SRGAP1: variants seen among roughly 807,000 people sequenced by gnomAD.
SRGAP1 encodes the protein SLIT-ROBO Rho GTPase activating protein 1.
A neutral mutation model predicts 121.9 loss-of-function variants in SRGAP1; 43 were observed. The observed-to-expected ratio is 0.35, with a 90% confidence interval of 0.28 to 0.46. The LOEUF (loss-of-function observed/expected upper bound fraction) is 0.46. Among genes scored for constraint, SRGAP1 ranks in the 20% least tolerant of loss-of-function variants. The pLI, the probability that SRGAP1 is intolerant of heterozygous loss-of-function variation, is 1.00. For synonymous variants in SRGAP1, 447 were observed against 485.4 expected, an observed-to-expected ratio of 0.92 and a Z score of 1.04; for missense variants, 1,102 against 1,350.9, an observed-to-expected ratio of 0.82 and a Z score of 2.89.
intron 21 of SRGAP1, among the ~76,000 whole-genome samples, chr12:64,136,833 A>T (rs1272496843): frequency 6.6e-6 from 1 of 152,222 alleles, no homozygotes; most frequent in Non-Finnish European, 1.5e-5. Flanking sequence ...GAAACTTATA[A>T]CATCACTGCT....
In SRGAP1 at chr12:64,115,827, A is replaced by G. The variant is rs2036510416; in HGVS notation, c.2158A>G (p.Ser720Gly). ...TGTATTCTACAGCGACAGCCCATAC[A>G]GTGAGCACGGTACATTGGAGGAAGT... Reference protein sequence around the residue: ...AGDDYCDSPYSEHGTLEEVDQ... With the variant: ...AGDDYCDSPYGEHGTLEEVDQ... The change falls in exon 18 of 22, where the codon AGT becomes GGT. Residue 720 changes from serine (S) to glycine (G), a missense_variant. By Grantham distance (56) the Ser-to-Gly change is moderately conservative. Transcript: ENST00000355086. 6.2e-7 allele frequency: 1 copy of G among 1,613,622 alleles called. No individual in the cohort carries two copies.
chr12:64,034,466 G>C (rs1461626130), intron 4 of SRGAP1, among the ~76,000 whole-genome samples: 1 of 152,068 alleles, frequency 6.6e-6, no homozygotes, highest in Non-Finnish European at 1.5e-5. Context: ...AAGCAGAGTA[G>C]TATATAAATG....
Position 64,036,170 on chromosome 12 carries a change from A to G in SRGAP1, c.490-6620A>G, listed in dbSNP as rs531093096. Among the ~76,000 whole-genome samples, 26 of 152,236 alleles carry G rather than the reference A, an allele frequency of 1.7e-4. 1 individual carries two copies. Among genetic ancestry groups the G allele is most frequent in the Admixed American group, 1.6e-3 (25 of 15,288 alleles). On this transcript the variant is annotated intron_variant, in intron 4 of 21. Coordinates refer to ENST00000355086, the MANE Select transcript of SRGAP1 (RefSeq NM_020762.4). ...GTGTCCTGAGTGCTCTTTTTGAGGG[A>G]ATTCCTGCCCACTACCACTGTCTCA...
rs1480327042 is a variant in SRGAP1 at position 64,078,855 on chromosome 12, C to T, written c.1126-64C>T. 5 of 1,523,008 alleles carry T rather than the reference C, an allele frequency of 3.3e-6. No homozygotes were observed. The Admixed American group carries it at 6.8e-5, about 21-fold the overall frequency. The allele number at this position is 1,523,008 out of a possible 1,614,324, so 94.3% of individuals were successfully genotyped here. ...CCTCATCTCTACCTGACAGAGTGGACTCTCCCTGTTTGTGGGATTCATGAA... is the reference window on the plus strand; with the variant it reads ...CCTCATCTCTACCTGACAGAGTGGATTCTCCCTGTTTGTGGGATTCATGAA... On this transcript the variant is annotated intron_variant, in intron 8 of 21. Transcript: ENST00000355086.
At chr12:64,091,189 G>A (rs937008789) in intron 11 of SRGAP1, 87 bp from the exon 12 acceptor site, 19 of 859,762 alleles carry the variant, frequency 2.2e-5, no homozygotes, top group East Asian at 2.1e-4. Flanking sequence ...CAAGATTCCC[G>A]TGTTTTGTAA....
At chr12:64,000,276 A>T (rs199791976) in intron 3 of SRGAP1, among the ~76,000 whole-genome samples, 1,592 of 56,204 alleles carry the variant, frequency 0.028, 13 homozygotes, top group Middle Eastern at 0.057. Flanking sequence ...GTGTGTGTGT[A>T]AAAAAAAAAA....
At chr12:64,121,413 A>C (rs528747726) in intron 18 of SRGAP1, among the ~76,000 whole-genome samples, 18 of 151,648 alleles carry the variant, frequency 1.2e-4, no homozygotes, top group Non-Finnish European at 1.9e-4. Context: ...CTCTTTTTTT[A>C]TTTTTATTTT....
chr12:64,094,470 A>T (rs2036116028), intron 12 of SRGAP1, among the ~76,000 whole-genome samples: 1 of 152,174 alleles, frequency 6.6e-6, no homozygotes, highest in African/African-American at 2.4e-5. Flanking sequence ...CAATTCTCAT[A>T]TTATGCATCT....
At chr12:63,922,646 G>A (rs2031104852) in intron 1 of SRGAP1, among the ~76,000 whole-genome samples, 1 of 152,220 alleles carries the variant, frequency 6.6e-6, no homozygotes, top group African/African-American at 2.4e-5. Context: ...CAAATTGCTT[G>A]TAGTTGCTCA....
intron 3 of SRGAP1, among the ~76,000 whole-genome samples, chr12:64,008,436 G>A (rs2034152772): frequency 6.6e-6 from 1 of 152,172 alleles, no homozygotes; most frequent in African/African-American, 2.4e-5. Flanking sequence ...TTAACTGGCT[G>A]TAGTTCTGAG....
intron 8 of SRGAP1, among the ~76,000 whole-genome samples, chr12:64,068,086 C>T (rs562714683): frequency 6.6e-6 from 1 of 152,010 alleles, no homozygotes; most frequent in Admixed American, 6.6e-5. Context: ...CGAGACCAGC[C>T]TGGGCAACGT....
chr12:63,960,306 G>T (rs939238259), intron 1 of SRGAP1, among the ~76,000 whole-genome samples: 1 of 152,048 alleles, frequency 6.6e-6, no homozygotes, highest in Non-Finnish European at 1.5e-5. Flanking sequence ...AGCTTCTGTG[G>T]GTTCCAGCTC....
rs147903674 is a variant in SRGAP1, at chr12:64,111,852, G to C, written c.2010G>C (p.Gln670His). 2.5e-6 allele frequency: 4 copies of C among 1,613,854 alleles called. No individual in the cohort carries two copies. The African/African-American group carries it at 5.3e-5, about 22-fold the overall frequency. Residue 670 changes from glutamine to histidine, a missense_variant, in exon 17 of 22, where the codon CAG (glutamine) becomes CAC (histidine). By Grantham distance (24) the Gln-to-His change is conservative. Transcript: ENST00000355086. ...GPTLMPVPEI[Q>H]DQVSCQAHVN... ...CATTGATGCCTGTCCCAGAAATACA[G>C]GATCAAGTGTCTTGCCAGGCACATG...
intron 1 of SRGAP1, among the ~76,000 whole-genome samples, chr12:63,886,883 T>C (rs1054557877): frequency 1.3e-5 from 2 of 152,064 alleles, no homozygotes; most frequent in Non-Finnish European, 2.9e-5. Flanking sequence ...GATTTTTGTT[T>C]TTGTTTTTGA....
intron 3 of SRGAP1, among the ~76,000 whole-genome samples, chr12:64,004,786 A>G (rs1229689452): frequency 6.6e-6 from 1 of 152,204 alleles, no homozygotes; most frequent in Non-Finnish European, 1.5e-5. Context: ...CATTCCTACC[A>G]TATGTTGAGG....
intron 21 of SRGAP1, among the ~76,000 whole-genome samples, chr12:64,136,629 A>G: frequency 6.6e-6 from 1 of 152,234 alleles, no homozygotes; most frequent in East Asian, 1.9e-4. Flanking sequence ...AGAATTTTGG[A>G]TAGCAAATTA....
At chr12:64,107,685 A>G (rs544830103) in intron 15 of SRGAP1, among the ~76,000 whole-genome samples, 2 of 152,200 alleles carry the variant, frequency 1.3e-5, no homozygotes, top group Non-Finnish European at 2.9e-5. Context: ...TGAGTTGACT[A>G]TGGTGTCAGA....
chr12:63,966,912 T>C (rs2032805148), intron 1 of SRGAP1, among the ~76,000 whole-genome samples: 1 of 152,220 alleles, frequency 6.6e-6, no homozygotes, highest in African/African-American at 2.4e-5. Context: ...TGAAGGAAAT[T>C]TCATATATGA....
At chr12:63,861,302 A>ATATAT (rs1184711599) in intron 1 of SRGAP1, among the ~76,000 whole-genome samples, 3,908 of 132,524 alleles carry the variant, frequency 0.029, 198 homozygotes, top group African/African-American at 0.1. Flanking sequence ...ATATATATAT[A>ATATAT]TTTTTTTTTT....
Sources: gnomAD v4.1 joint callset for allele counts (sites outside exome capture counted in the v4.1 genomes callset) on GRCh38, gnomAD v4.1.1 for gene constraint, MANE v1.5 for transcripts, NCBI Gene and HGNC (gene_info 2026-07-23, HGNC 2026-07-21) for gene names.